Variants in GNG7 observed in about 807,000 individuals in gnomAD.
The protein encoded by GNG7 is G protein subunit gamma 7, also known as guanine nucleotide-binding protein G(I)/G(S)/G(O) subunit gamma-7.
A neutral mutation model predicts 4.0 loss-of-function variants in GNG7; 1 was observed. The observed-to-expected ratio is 0.25, with a 90% CI of 0.09 to 1.18. The LOEUF (loss-of-function observed/expected upper bound fraction) is 1.18, where lower values mean the gene tolerates loss of function less well. Among genes scored for constraint, GNG7 ranks in the 50% most tolerant of loss-of-function variants. The probability of loss-of-function intolerance (pLI) is 0.50; values close to 1 mark genes in which losing one functional copy is unlikely to be tolerated. For synonymous variants in GNG7, 34 were observed against 36.9 expected (o/e 0.92, Z 0.29); for missense variants, 86 against 91.9 (o/e 0.94, Z 0.26).
At chr19:2,612,515 C>A (rs1046882552) in intron 2 of GNG7, among the ~76,000 whole-genome samples, 10 of 152,068 alleles carry the variant, frequency 6.6e-5, no homozygotes, top group African/African-American at 2.2e-4. Flanking sequence ...GGACCCCCCC[C>A]AGGCAGGACC....
chr19:2,568,419 CAT>C (rs1228337602), intron 2 of GNG7, among the ~76,000 whole-genome samples: 5 of 148,642 alleles, frequency 3.4e-5, no homozygotes, highest in East Asian at 2.0e-4. Flanking sequence ...TACACATAGA[CAT>C]ACACACATAC....
Position 2,542,700 on chromosome 19 carries a change from TAAGGA to T in GNG7, c.-38+12444_-38+12448del, listed in dbSNP as rs547137586. On this transcript the variant is annotated intron_variant, in intron 3 of 4. Transcript: ENST00000382159. ...ATATGCAGTAGTTTCTTATGCAGTG[TAAGGA>T]GCTGATACGCAAGGCCAGGATGGGA... Among the ~76,000 whole-genome samples the T allele has an allele frequency of 2.6e-4, 39 of 152,208 alleles. No homozygotes were observed. In the East Asian group the frequency reaches 3.7e-3, roughly 14 times the overall value.
chr19:2,651,171 C>G (rs913182192), intron 1 of GNG7, among the ~76,000 whole-genome samples: 1 of 152,142 alleles, frequency 6.6e-6, no homozygotes, highest in Non-Finnish European at 1.5e-5. Flanking sequence ...CTGCCACCGC[C>G]TCCCGGCCCT....
chr19:2,592,814 AAGAG>A (rs144538545), intron 2 of GNG7, among the ~76,000 whole-genome samples: 48,409 of 109,138 alleles, frequency 0.44, 12,376 homozygotes, highest in Non-Finnish European at 0.58. Context: ...GAAAGAAAGA[AAGAG>A]AGAGAGAGAG....
rs60789241 is a variant in GNG7, at chr19:2,680,392, C to T, written c.-135+22254G>A. Among the ~76,000 whole-genome samples the T allele has an allele frequency of 3.7e-3, 569 of 151,954 alleles. 3 individuals carry two copies. The highest frequency in any genetic ancestry group is 0.013 in the African/African-American group (551 of 41,458). ...CTCAAACTCCTGACCTCAGGTGATC[C>T]ACCCGCCTCGGTCTCCCAAAGTGCT... On this transcript the variant is annotated intron_variant, in intron 1 of 4. Coordinates refer to ENST00000382159, the MANE Select transcript of GNG7 (RefSeq NM_052847.3).
At chr19:2,666,875 C>CA (rs1227295633) in intron 1 of GNG7, among the ~76,000 whole-genome samples, 2 of 152,206 alleles carry the variant, frequency 1.3e-5, no homozygotes, top group Non-Finnish European at 2.9e-5. Flanking sequence ...CAGTCTAAGA[C>CA]AAAATAGCAC....
At chr19:2,533,446 G>T (rs958997398) in intron 3 of GNG7, among the ~76,000 whole-genome samples, 2 of 152,042 alleles carry the variant, frequency 1.3e-5, no homozygotes, top group Non-Finnish European at 2.9e-5. Flanking sequence ...TAACTTCTAG[G>T]GTGATGGCGA....
At chr19:2,698,354 A>G (rs1200463058) in intron 1 of GNG7, among the ~76,000 whole-genome samples, 1 of 152,108 alleles carries the variant, frequency 6.6e-6, no homozygotes, top group Admixed American at 6.6e-5. Flanking sequence ...ACCTGAGGTC[A>G]GGAGTTTGAG....
chr19:2,697,280 A>T (rs1330212417), intron 1 of GNG7, among the ~76,000 whole-genome samples: 1 of 152,240 alleles, frequency 6.6e-6, no homozygotes, highest in Non-Finnish European at 1.5e-5. Context: ...AGGTTCAAGT[A>T]ACTGTTCGTG....
chr19:2,694,891 A>G lies in GNG7; in HGVS notation c.-135+7755T>C, dbSNP rs1221472756. 2.0e-5 allele frequency among the ~76,000 whole-genome samples: 3 copies of G among 152,086 alleles called. No individual in the cohort carries two copies. In the East Asian group the frequency reaches 5.8e-4, roughly 29 times the overall value. On this transcript the variant is annotated intron_variant, in intron 1 of 4. Transcript: ENST00000382159. ...CGCTGCTCGGCACCTCAGGACCTGC[A>G]GTGCCCAGGACAGCCCTGCCCCAGA...
At position 2,512,177 on chromosome 19, in the gene GNG7, C is replaced by T; in HGVS notation, c.*2845G>A. On this transcript the variant is annotated 3_prime_UTR_variant, in exon 5 of 5. Coordinates refer to ENST00000382159, the MANE Select transcript of GNG7 (RefSeq NM_052847.3). This position sits in a 1 kb window ranked among gnomAD's most constrained non-coding sequence, Gnocchi z 4.7. The stretch of plus-strand genomic sequence containing the variant: ...CCCAAGGCTAGAGCTGCTGCTGCCA[C>T]CCCCGCCCGCCAGCTCCCCGTCTGG... The T allele has an allele frequency of 2.0e-6, 2 of 985,804 alleles. No homozygotes were observed. Among genetic ancestry groups the T allele is most frequent in the Non-Finnish European group, 2.4e-6 (2 of 829,908 alleles). The allele number at this position is 985,804 out of a possible 1,614,324, so 61.1% of individuals were successfully genotyped here. A position where few individuals can be genotyped will look rare whatever the true frequency, so the allele number is the denominator to read the frequency against.
intron 1 of GNG7, among the ~76,000 whole-genome samples, chr19:2,687,352 C>T (rs1214154836): frequency 1.3e-5 from 2 of 152,094 alleles, no homozygotes; most frequent in Non-Finnish European, 2.9e-5. Flanking sequence ...CATGGTGGCT[C>T]ACACCTGTAA....
chr19:2,537,191 C>T lies in GNG7; in HGVS notation c.-37-16466G>A, dbSNP rs903902128. On this transcript the variant is annotated intron_variant, in intron 3 of 4. Coordinates refer to ENST00000382159, the MANE Select transcript of GNG7 (RefSeq NM_052847.3). The stretch of plus-strand genomic sequence containing the variant: ...GTCTCCATCTCCTGACCTCGTGATC[C>T]GCCCGCCTCGGCCTCCCAAAGTGCT... 1.8e-4 allele frequency among the ~76,000 whole-genome samples: 28 copies of T among 152,064 alleles called. 1 individual carries two copies. The East Asian group carries it at 1.9e-3, about 11-fold the overall frequency.
At chr19:2,652,322 A>C (rs1222759141) in intron 1 of GNG7, among the ~76,000 whole-genome samples, 6 of 151,924 alleles carry the variant, frequency 3.9e-5, no homozygotes, top group Non-Finnish European at 8.8e-5. Flanking sequence ...CAAAACAAGC[A>C]AAGAACCCCA....
rs1203455823 is a variant in GNG7 at position 2,557,319 on chromosome 19, AC to A, written c.-77-2132del. On this transcript the variant is annotated intron_variant, in intron 2 of 4. Coordinates refer to ENST00000382159, the MANE Select transcript of GNG7 (RefSeq NM_052847.3). This position sits in a 1 kb window ranked among gnomAD's most constrained non-coding sequence, Gnocchi z 5.1. Reference sequence around the variant, plus strand: ...GAGGTGCACATACACGCACAGACACACATGTGCACACAGACACACACATGTG... The same window carrying A: ...GAGGTGCACATACACGCACAGACACAATGTGCACACAGACACACACATGTG... 7.0e-6 allele frequency among the ~76,000 whole-genome samples: 1 copy of A among 141,944 alleles called. No individual in the cohort carries two copies. Among genetic ancestry groups the A allele is most frequent in the Non-Finnish European group, 1.6e-5 (1 of 63,422 alleles). 93.1% of individuals were successfully genotyped at this position (141,944 alleles called of 152,430 possible).
At chr19:2,615,355 C>T (rs902743563) in intron 2 of GNG7, among the ~76,000 whole-genome samples, 4 of 151,586 alleles carry the variant, frequency 2.6e-5, no homozygotes, top group African/African-American at 7.3e-5. Flanking sequence ...CTGCAGGGGT[C>T]GGCAAGGATG....
intron 3 of GNG7, among the ~76,000 whole-genome samples, chr19:2,527,499 C>G (rs1978444235): frequency 6.6e-6 from 1 of 152,182 alleles, no homozygotes; most frequent in South Asian, 2.1e-4. Flanking sequence ...TAAACGTTTG[C>G]TGAGCAGATG....
chr19:2,660,418 C>T (rs369596393), intron 1 of GNG7, among the ~76,000 whole-genome samples: 6 of 152,254 alleles, frequency 3.9e-5, no homozygotes, highest in South Asian at 2.1e-4. Flanking sequence ...AGAAACTGGA[C>T]GTATATTTTT....
rs1982888584 is a variant in GNG7 at position 2,653,678 on chromosome 19, C to A, written c.-134-7398G>T. Among the ~76,000 whole-genome samples the A allele has an allele frequency of 6.6e-6, 1 of 152,208 alleles. No individual in the cohort carries two copies. On this transcript the variant is annotated intron_variant, in intron 1 of 4. Coordinates refer to ENST00000382159, the MANE Select transcript of GNG7 (RefSeq NM_052847.3). This position sits in a 1 kb window ranked among gnomAD's most constrained non-coding sequence, Gnocchi z 4.8. Reference sequence around the variant, plus strand: ...GCAGCGTCCCTGGCCTCCACCCACCCCATGCCAGGGGCATCCCCCATCTAG... The same window carrying A: ...GCAGCGTCCCTGGCCTCCACCCACCACATGCCAGGGGCATCCCCCATCTAG...
Sources: allele counts gnomAD v4.1 joint callset (sites outside exome capture counted in the v4.1 genomes callset), GRCh38; gene constraint gnomAD v4.1.1; non-coding constraint Gnocchi (gnomAD v3.1); transcripts MANE v1.5; gene names NCBI Gene and HGNC (gene_info 2026-07-23, HGNC 2026-07-21).